Variants in MEOX2 observed in about 807,000 individuals in gnomAD.
MEOX2 encodes the protein mesenchyme homeobox 2.
A neutral mutation model predicts 27.0 loss-of-function variants in MEOX2; 11 were observed. That is an observed-to-expected ratio of 0.41 (90% CI 0.26 to 0.68). The LOEUF is 0.68. Ranked by LOEUF, MEOX2 falls within the 30% of genes least tolerant of loss-of-function variation. The probability of loss-of-function intolerance (pLI) is 0.33; values close to 1 mark genes in which losing one functional copy is unlikely to be tolerated. For missense variants in MEOX2, 436 were observed against 385.4 expected, an observed-to-expected ratio of 1.13 and a Z score of -1.10; for synonymous variants, 189 against 155.4, an observed-to-expected ratio of 1.22 and a Z score of -1.61.
intron 1 of MEOX2, among the ~76,000 whole-genome samples, chr7:15,650,161 G>C (rs1781713322): frequency 6.6e-6 from 1 of 152,054 alleles, no homozygotes; most frequent in South Asian, 2.1e-4. Flanking sequence ...AACTGGTTTA[G>C]AGTTAAATTC....
At chr7:15,640,830 T>C (rs1440693764) in intron 1 of MEOX2, among the ~76,000 whole-genome samples, 1 of 152,222 alleles carries the variant, frequency 6.6e-6, no homozygotes, top group Non-Finnish European at 1.5e-5. Context: ...ATCATATTTA[T>C]TGAGTTGTGT....
chr7:15,631,395 G>A (rs1192071858), intron 1 of MEOX2, among the ~76,000 whole-genome samples: 5 of 151,796 alleles, frequency 3.3e-5, no homozygotes, highest in Non-Finnish European at 1.5e-5. Flanking sequence ...TAGTATTATT[G>A]AAGATAGATT....
intron 1 of MEOX2, among the ~76,000 whole-genome samples, chr7:15,631,399 A>T (rs1280637413): frequency 6.6e-6 from 1 of 151,912 alleles, no homozygotes; most frequent in East Asian, 1.9e-4. Flanking sequence ...ATTATTGAAG[A>T]TAGATTATTT....
At chr7:15,662,653 A>C (rs73288138) in intron 1 of MEOX2, among the ~76,000 whole-genome samples, 191 of 152,298 alleles carry the variant, frequency 1.3e-3, no homozygotes, top group African/African-American at 4.5e-3. Context: ...GTTATAAGCC[A>C]AATTTTGATA....
At position 15,685,936 on chromosome 7, in the gene MEOX2, G is replaced by T; in HGVS notation, c.467C>A (p.Pro156His). The change falls in exon 1 of 3, where the codon CCT becomes CAT. Residue 156 changes from proline (P) to histidine (H), a missense_variant. Physicochemically the swap from Pro to His is moderately conservative, Grantham distance 77 (BLOSUM62 -2). Coordinates refer to ENST00000262041, the MANE Select transcript of MEOX2 (RefSeq NM_005924.5). Reference protein sequence around the residue: ...PGDYGRQALSPAEAEKRSGGK... With the variant: ...PGDYGRQALSHAEAEKRSGGK... The stretch of plus-strand genomic sequence containing the variant: ...GCCGCTTCGCTTCTCCGCCTCCGCA[G>T]GTGACAGTGCCTGGCGGCCGTAGTC... 1 of 1,611,372 alleles carries T rather than the reference G, an allele frequency of 6.2e-7. No individual in the cohort carries two copies. Among genetic ancestry groups the T allele is most frequent in the Non-Finnish European group, 8.5e-7 (1 of 1,179,332 alleles).
chr7:15,620,512 G>T (rs1480558705), intron 2 of MEOX2, among the ~76,000 whole-genome samples: 1 of 152,106 alleles, frequency 6.6e-6, no homozygotes, highest in Non-Finnish European at 1.5e-5. Context: ...GGCGGAGCTT[G>T]CAGTGAGCCG....
At chr7:15,676,502 A>G (rs906257064) in intron 1 of MEOX2, among the ~76,000 whole-genome samples, 2 of 152,152 alleles carry the variant, frequency 1.3e-5, no homozygotes, top group Admixed American at 1.3e-4. Flanking sequence ...TTTCATTGTC[A>G]TATTTGAATT....
chr7:15,623,545 T>C (rs1350318772), intron 2 of MEOX2, among the ~76,000 whole-genome samples: 13 of 152,234 alleles, frequency 8.5e-5, no homozygotes, highest in Middle Eastern at 3.4e-3. Context: ...CATTTTTGTA[T>C]TTGTAGTAGA....
chr7:15,637,889 T>C (rs974881035), intron 1 of MEOX2, among the ~76,000 whole-genome samples: 1 of 152,084 alleles, frequency 6.6e-6, no homozygotes, highest in Non-Finnish European at 1.5e-5. Flanking sequence ...TTAAAGTGTG[T>C]ATATCTGAGA....
intron 1 of MEOX2, among the ~76,000 whole-genome samples, chr7:15,651,177 G>C (rs73288117): frequency 1.6e-3 from 243 of 152,058 alleles, no homozygotes; most frequent in African/African-American, 5.7e-3. Flanking sequence ...GAATAAAATA[G>C]GTTTGAATGT....
intron 1 of MEOX2, among the ~76,000 whole-genome samples, chr7:15,667,506 G>C (rs548795118): frequency 6.6e-6 from 1 of 151,882 alleles, no homozygotes; most frequent in Admixed American, 6.6e-5. Context: ...TGTTCTGTTC[G>C]TCTTAGTGTA....
At chr7:15,666,779 AATATATATATATAT>A (rs1554296193) in intron 1 of MEOX2, among the ~76,000 whole-genome samples, 2 of 33,300 alleles carry the variant, frequency 6.0e-5, no homozygotes, top group Non-Finnish European at 1.1e-4. Flanking sequence ...AAAAAAAAAA[AATATATATATATAT>A]ATATATATAT....
chr7:15,674,256 G>A lies in MEOX2; in HGVS notation c.517+11630C>T, dbSNP rs557159715. Among the ~76,000 whole-genome samples, 4 of 152,194 alleles carry A rather than the reference G, an allele frequency of 2.6e-5. No individual in the cohort carries two copies. In the East Asian group the frequency reaches 7.7e-4, roughly 29 times the overall value. ...TGATACGGTCAAAATAATACTACAT[G>A]TTGTATTATTCTGCAGCATTTAATT... On this transcript the variant is annotated intron_variant, in intron 1 of 2. Coordinates refer to ENST00000262041, the MANE Select transcript of MEOX2 (RefSeq NM_005924.5).
chr7:15,612,449 C>T lies in MEOX2; in HGVS notation c.853G>A (p.Asp285Asn). 2 of 1,614,102 alleles carry T rather than the reference C, an allele frequency of 1.2e-6. No individual in the cohort carries two copies. Among genetic ancestry groups the T allele is most frequent in the South Asian group, 2.2e-5 (2 of 91,088 alleles). Residue 285 changes from aspartate (D) to asparagine (N), a missense_variant, in exon 3 of 3, where the codon GAC (aspartate) becomes AAC (asparagine). Asp to Asn is a conservative substitution (Grantham distance 23). Coordinates refer to ENST00000262041, the MANE Select transcript of MEOX2 (RefSeq NM_005924.5). The part of the protein sequence containing the change: ...IGAATLQQTG[D>N]SIANEDSHDS... ...TGACTGTCTTCATTTGCTATAGAGT[C>T]CCCTGTTTGCTGGAGGGTGGCTGCA...
intron 2 of MEOX2, among the ~76,000 whole-genome samples, chr7:15,623,246 C>T (rs546320866): frequency 6.6e-6 from 1 of 152,236 alleles, no homozygotes; most frequent in African/African-American, 2.4e-5. Context: ...AAGAATATGC[C>T]ATCTGACCTT....
intron 1 of MEOX2, among the ~76,000 whole-genome samples, chr7:15,662,816 C>T (rs528459200): frequency 6.0e-4 from 91 of 152,224 alleles, no homozygotes; most frequent in African/African-American, 2.0e-3. Context: ...AGATTCATGA[C>T]TGAATGCAGG....
chr7:15,636,797 G>C (rs1431329289), intron 1 of MEOX2, among the ~76,000 whole-genome samples: 1 of 152,026 alleles, frequency 6.6e-6, no homozygotes, highest in Admixed American at 6.6e-5. Flanking sequence ...AGAAGTGCAC[G>C]ATCAAGGCAG....
intron 1 of MEOX2, among the ~76,000 whole-genome samples, chr7:15,638,776 C>A (rs570612468): frequency 6.6e-6 from 1 of 152,232 alleles, no homozygotes; most frequent in South Asian, 2.1e-4. Context: ...ATAAAGGCCT[C>A]CAACTCCATC....
At chr7:15,614,495 G>A (rs75944270) in intron 2 of MEOX2, among the ~76,000 whole-genome samples, 1,799 of 152,086 alleles carry the variant, frequency 0.012, 31 homozygotes, top group African/African-American at 0.041. Flanking sequence ...CTGAAGAATA[G>A]GCTTAACTTT....
Sources: allele counts gnomAD v4.1 joint callset (sites outside exome capture counted in the v4.1 genomes callset), GRCh38; gene constraint gnomAD v4.1.1; transcripts MANE v1.5; gene names NCBI Gene and HGNC (gene_info 2026-07-23, HGNC 2026-07-21).